The following VPS8 variants were observed in gnomAD, a reference collection of about 807,000 sequenced individuals.
VPS8 encodes vacuolar protein sorting-associated protein 8 homolog.
VPS8 carries 129 observed loss-of-function variants against 216.4 expected under a neutral mutation model. That is an observed-to-expected ratio of 0.60 (90% CI 0.52 to 0.69). The LOEUF is 0.69. VPS8 is among the 30% of genes least tolerant of loss of function. The pLI, the probability that VPS8 is intolerant of heterozygous loss-of-function variation, is 0.00. For synonymous variants in VPS8, 571 were observed against 565.4 expected, an observed-to-expected ratio of 1.01 and a Z score of -0.14; for missense variants, 1,531 against 1,683.5, an observed-to-expected ratio of 0.91 and a Z score of 1.59.
At chr3:184,937,419 C>T (rs1233797391) in intron 35 of VPS8, among the ~76,000 whole-genome samples, 1 of 152,198 alleles carries the variant, frequency 6.6e-6, no homozygotes, top group Non-Finnish European at 1.5e-5. Context: ...ATATGGAATT[C>T]ATTCATTCGA....
intron 46 of VPS8, among the ~76,000 whole-genome samples, chr3:185,044,007 T>A (rs1712283236): frequency 1.3e-5 from 2 of 152,078 alleles, no homozygotes; most frequent in South Asian, 2.1e-4. Context: ...CTGACTAATA[T>A]GATGAAACCC....
At chr3:185,002,997 T>A (rs1753618582) in intron 45 of VPS8, among the ~76,000 whole-genome samples, 1 of 152,228 alleles carries the variant, frequency 6.6e-6, no homozygotes, top group African/African-American at 2.4e-5. Context: ...ATGGTAGTTC[T>A]ACTTTTAGTT....
intron 46 of VPS8, among the ~76,000 whole-genome samples, chr3:185,034,607 GTTT>G (rs1355492626): frequency 2.4e-5 from 3 of 124,972 alleles, no homozygotes; most frequent in African/African-American, 3.5e-5. Context: ...TTCGTTGATA[GTTT>G]TGTTGTTGTT....
intron 45 of VPS8, among the ~76,000 whole-genome samples, chr3:185,010,307 A>G (rs1014424761): frequency 5.9e-5 from 9 of 152,238 alleles, no homozygotes; most frequent in Admixed American, 3.9e-4. Context: ...AAAATATCCA[A>G]TACCCAACAA....
chr3:184,867,680 T>G (rs1442943884), intron 17 of VPS8, among the ~76,000 whole-genome samples: 2 of 152,176 alleles, frequency 1.3e-5, no homozygotes, highest in Non-Finnish European at 2.9e-5. Flanking sequence ...ACCTTGTCTC[T>G]AGTAAAAATA....
Position 184,825,407 on chromosome 3 carries a change from G to T in VPS8, c.153+622G>T, listed in dbSNP as rs200302252. On this transcript the variant is annotated intron_variant, in intron 2 of 47. Transcript: ENST00000625842. ...CTTTGATTTAATATTATGTTAATGG[G>T]TTTCTATGAGTATGAGAATAACAGC... 3.9e-5 allele frequency among the ~76,000 whole-genome samples: 6 copies of T among 152,104 alleles called. No homozygotes were observed. In the East Asian group the frequency reaches 1.2e-3, roughly 29 times the overall value.
chr3:184,814,628 T>C (rs1035846499), intron 1 of VPS8, among the ~76,000 whole-genome samples: 1 of 152,156 alleles, frequency 6.6e-6, no homozygotes, highest in African/African-American at 2.4e-5. Flanking sequence ...GTTTAAAAGA[T>C]TGAAAAATGT....
intron 21 of VPS8, among the ~76,000 whole-genome samples, chr3:184,872,044 A>G (rs1263977898): frequency 6.6e-6 from 1 of 152,190 alleles, no homozygotes; most frequent in Non-Finnish European, 1.5e-5. Flanking sequence ...AAAAATAAAT[A>G]ACTTAGGAAG....
At chr3:184,928,618 A>G (rs1740115147) in intron 32 of VPS8, 85 bp downstream of exon 32, 1 of 994,882 alleles carries the variant, frequency 1.0e-6, no homozygotes, top group East Asian at 3.2e-5. Context: ...TTATTGATAC[A>G]TTGCTGCTTT....
intron 29 of VPS8, chr3:184,922,523 T>C (rs965101086): frequency 4.7e-6 from 2 of 421,992 alleles, no homozygotes; most frequent in Non-Finnish European, 9.4e-6. Flanking sequence ...AAAACTATAC[T>C]AAGTTGGAAG....
intron 37 of VPS8, among the ~76,000 whole-genome samples, chr3:184,959,493 T>C (rs1170330445): frequency 6.6e-6 from 1 of 152,204 alleles, no homozygotes; most frequent in Non-Finnish European, 1.5e-5. Context: ...AAATATACTT[T>C]ACCAAATTAT....
At chr3:184,871,204 AAT>A (rs71272847) in intron 21 of VPS8, among the ~76,000 whole-genome samples, 151 of 149,246 alleles carry the variant, frequency 1.0e-3, no homozygotes, top group Non-Finnish European at 1.6e-3. Context: ...ATCAATCACA[AAT>A]ATATATATAT....
chr3:184,987,114 A>T (rs959416686), intron 42 of VPS8, among the ~76,000 whole-genome samples: 1 of 151,132 alleles, frequency 6.6e-6, no homozygotes, highest in Non-Finnish European at 1.5e-5. Flanking sequence ...GCAACCACTA[A>T]TTTTTTTTCT....
At chr3:184,860,961 A>G (rs141156497) in intron 15 of VPS8, among the ~76,000 whole-genome samples, 4,074 of 151,880 alleles carry the variant, frequency 0.027, 194 homozygotes, top group African/African-American at 0.094. Flanking sequence ...AGCTGGGACT[A>G]CAGGTGCCCC....
At chr3:185,014,144 C>A (rs1755440956) in intron 45 of VPS8, among the ~76,000 whole-genome samples, 2 of 152,194 alleles carry the variant, frequency 1.3e-5, no homozygotes, top group South Asian at 4.2e-4. Context: ...TTCTCTGTGT[C>A]AGCCCTTGTT....
intron 42 of VPS8, among the ~76,000 whole-genome samples, chr3:184,988,605 CT>C (rs1751457499): frequency 6.6e-6 from 1 of 152,152 alleles, no homozygotes; most frequent in South Asian, 2.1e-4. Flanking sequence ...TCCAACTTTG[CT>C]CTTCTTCATT....
chr3:184,859,076 A>G (rs1239625866), intron 14 of VPS8, among the ~76,000 whole-genome samples: 2 of 152,196 alleles, frequency 1.3e-5, no homozygotes, highest in African/African-American at 4.8e-5. Context: ...GAATAGTGCA[A>G]ACTAAACCAG....
chr3:185,012,531 C>T (rs1755165162), intron 45 of VPS8, among the ~76,000 whole-genome samples: 1 of 151,586 alleles, frequency 6.6e-6, no homozygotes, highest in South Asian at 2.1e-4. Context: ...CAGCAGACCT[C>T]TAGCAGAATA....
At chr3:185,035,323 C>A (rs1246969542) in intron 46 of VPS8, among the ~76,000 whole-genome samples, 1 of 152,074 alleles carries the variant, frequency 6.6e-6, no homozygotes, top group African/African-American at 2.4e-5. Context: ...AACTTCAGGC[C>A]AATATCCCTG....
Sources: gnomAD v4.1 joint callset for allele counts (sites outside exome capture counted in the v4.1 genomes callset) on GRCh38, gnomAD v4.1.1 for gene constraint, MANE v1.5 for transcripts, NCBI Gene and HGNC (gene_info 2026-07-23, HGNC 2026-07-21) for gene names.